The following MECOM variants were observed in gnomAD, a reference collection of about 807,000 sequenced individuals.
MECOM encodes the protein MDS1 and EVI1 complex locus, also known as histone-lysine N-methyltransferase MECOM.
MECOM carries 13 observed loss-of-function variants against 116.3 expected under a neutral mutation model. The ratio of observed to expected loss-of-function variants is 0.11; its 90% CI spans 0.07 to 0.18. MECOM has a LOEUF of 0.18. Among genes scored for constraint, MECOM ranks in the 10% least tolerant of loss-of-function variants. The probability of loss-of-function intolerance (pLI) is 1.00; values close to 1 mark genes in which losing one functional copy is unlikely to be tolerated. For missense variants in MECOM, 1,299 were observed against 1,509.0 expected (o/e 0.86, Z 2.31); for synonymous variants, 528 against 535.2 (o/e 0.99, Z 0.19).
At chr3:169,416,807 T>C (rs534868016) in intron 1 of MECOM, among the ~76,000 whole-genome samples, 10 of 152,058 alleles carry the variant, frequency 6.6e-5, no homozygotes, top group East Asian at 3.9e-4. Flanking sequence ...ACGCCGCATA[T>C]CTACAACTAT....
At chr3:169,635,932 C>T (rs1772692594) in intron 1 of MECOM, among the ~76,000 whole-genome samples, 2 of 152,118 alleles carry the variant, frequency 1.3e-5, no homozygotes, top group Non-Finnish European at 2.9e-5. Context: ...TTTTTTAAAC[C>T]TAAATGCACA....
intron 2 of MECOM, among the ~76,000 whole-genome samples, chr3:169,317,110 A>G (rs1719886059): frequency 6.6e-6 from 1 of 152,214 alleles, no homozygotes; most frequent in Non-Finnish European, 1.5e-5. Flanking sequence ...AGAGCAATTA[A>G]GTCCAGGGAT....
intron 1 of MECOM, among the ~76,000 whole-genome samples, chr3:169,594,176 A>AAAAAAAAAAAAAAAAAAAAAAAAAAC (rs1553894631): frequency 2.1e-5 from 3 of 139,732 alleles, no homozygotes; most frequent in Non-Finnish European, 3.0e-5. Flanking sequence ...AAAAAAAAAA[A>AAAAAAAAAAAAAAAAAAAAAAAAAAC]CACCTTTTCA....
intron 1 of MECOM, among the ~76,000 whole-genome samples, chr3:169,640,775 G>T (rs1054123060): frequency 6.6e-6 from 1 of 152,188 alleles, no homozygotes; most frequent in Non-Finnish European, 1.5e-5. Flanking sequence ...TTAAACATGT[G>T]CTCTGCCCCT....
intron 1 of MECOM, among the ~76,000 whole-genome samples, chr3:169,657,457 G>T (rs1030847513): frequency 6.6e-6 from 1 of 152,122 alleles, no homozygotes; most frequent in Admixed American, 6.5e-5. Context: ...TTATGAAAGA[G>T]GTGAAATAAT....
intron 2 of MECOM, among the ~76,000 whole-genome samples, chr3:169,283,052 G>T (rs768635018): frequency 7.9e-5 from 12 of 152,074 alleles, no homozygotes; most frequent in Non-Finnish European, 1.6e-4. Context: ...AACAAAAGAA[G>T]TTATATGAGT....
At position 169,092,947 on chromosome 3, in the gene MECOM, G is replaced by A. The variant is rs74601817; in HGVS notation, c.3164+11C>T. ...TCGTCACAGAGTTTAAAAAGTAAAA[G>A]ACAGCTTTACCTCTCCTCCACATTC... On this transcript the variant is annotated intron_variant, in intron 14 of 16. Coordinates refer to ENST00000651503, the MANE Select transcript of MECOM (RefSeq NM_004991.4). 8.5e-4 allele frequency: 1,370 copies of A among 1,613,456 alleles called. 13 individuals are homozygous for A. In the African/African-American group the frequency reaches 0.017, roughly 20 times the overall value.
chr3:169,314,042 A>T (rs1243982948), intron 2 of MECOM, among the ~76,000 whole-genome samples: 17 of 152,322 alleles, frequency 1.1e-4, no homozygotes, highest in Admixed American at 5.9e-4. Flanking sequence ...TTATGGACCC[A>T]GTCCCATCTT....
intron 1 of MECOM, among the ~76,000 whole-genome samples, chr3:169,472,546 AG>A (rs1338876900): frequency 0.015 from 1,230 of 81,176 alleles, 24 homozygotes; most frequent in Non-Finnish European, 0.02. Context: ...AGGAAAGGAA[AG>A]GAAAAGAAAA....
chr3:169,512,279 A>G (rs1179789894), intron 1 of MECOM, among the ~76,000 whole-genome samples: 1 of 152,188 alleles, frequency 6.6e-6, no homozygotes, highest in African/African-American at 2.4e-5. Flanking sequence ...ACTTACTTCC[A>G]GGCCTCCTAC....
At chr3:169,414,104 C>T (rs1360703519) in intron 1 of MECOM, among the ~76,000 whole-genome samples, 1 of 152,192 alleles carries the variant, frequency 6.6e-6, no homozygotes, top group Non-Finnish European at 1.5e-5. Context: ...AGATATCTCC[C>T]ATCAGGGGTC....
chr3:169,555,471 C>T (rs1014154813), intron 1 of MECOM, among the ~76,000 whole-genome samples: 1 of 152,168 alleles, frequency 6.6e-6, no homozygotes, highest in African/African-American at 2.4e-5. Context: ...AAATAAGTAT[C>T]TATTACAGAG....
intron 1 of MECOM, among the ~76,000 whole-genome samples, chr3:169,502,270 C>T (rs1266384436): frequency 5.9e-5 from 9 of 152,202 alleles, no homozygotes; most frequent in South Asian, 4.1e-4. Context: ...GAACTTGATG[C>T]TTGCACAGAG....
At chr3:169,365,129 G>C (rs914649046) in intron 2 of MECOM, among the ~76,000 whole-genome samples, 2 of 151,978 alleles carry the variant, frequency 1.3e-5, no homozygotes, top group Non-Finnish European at 2.9e-5. Flanking sequence ...GCAAGTGTTA[G>C]ACATACCGCT....
At chr3:169,285,037 A>G (rs925419843) in intron 2 of MECOM, among the ~76,000 whole-genome samples, 1 of 152,164 alleles carries the variant, frequency 6.6e-6, no homozygotes, top group African/African-American at 2.4e-5. Context: ...TTTCATCACC[A>G]GGAGAAATCT....
intron 2 of MECOM, among the ~76,000 whole-genome samples, chr3:169,287,967 C>T (rs1713694507): frequency 6.6e-6 from 1 of 152,150 alleles, no homozygotes; most frequent in African/African-American, 2.4e-5. Context: ...ATATCCAAGA[C>T]ATTTAGAGTA....
At position 169,552,188 on chromosome 3, in the gene MECOM, A is replaced by G. The variant is rs1196202607; in HGVS notation, c.37+111148T>C. On this transcript the variant is annotated intron_variant, in intron 1 of 16. Transcript: ENST00000651503. The stretch of plus-strand genomic sequence containing the variant: ...TAAAAAGGTATTTTATGGTATGTCA[A>G]TTATATCACAATAAAAAGAAATTTG... Among the ~76,000 whole-genome samples the G allele has an allele frequency of 1.0e-4, 11 of 107,094 alleles. 1 individual carries two copies. The highest frequency in any genetic ancestry group is 4.1e-5 in the Non-Finnish European group (2 of 49,080). The allele number at this position is 107,094 out of a possible 152,430, so 70.3% of individuals were successfully genotyped here.
In MECOM at chr3:169,255,854, T is replaced by C. The variant is rs139581224; in HGVS notation, c.376-112022A>G. ...ACTCTGTCACAGGCTCATTACTAAT[T>C]TTTTAATCCATTTTTAAAGATCATT... On this transcript the variant is annotated intron_variant, in intron 2 of 16. Transcript: ENST00000651503. 2.5e-3 allele frequency among the ~76,000 whole-genome samples: 380 copies of C among 152,268 alleles called. 2 individuals carry two copies. Among genetic ancestry groups the C allele is most frequent in the African/African-American group, 8.5e-3 (355 of 41,530 alleles).
chr3:169,478,143 G>A (rs1226419565), intron 1 of MECOM, among the ~76,000 whole-genome samples: 1 of 152,206 alleles, frequency 6.6e-6, no homozygotes, highest in African/African-American at 2.4e-5. Flanking sequence ...ATCTGACAAA[G>A]AGAGACATCC....
Sources: allele counts gnomAD v4.1 joint callset (sites outside exome capture counted in the v4.1 genomes callset), GRCh38; gene constraint gnomAD v4.1.1; transcripts MANE v1.5; gene names NCBI Gene and HGNC (gene_info 2026-07-23, HGNC 2026-07-21).